The following ECM2 variants were observed in gnomAD, a reference collection of about 807,000 sequenced individuals.
ECM2 encodes the protein extracellular matrix protein 2.
A neutral mutation model predicts 67.5 loss-of-function variants in ECM2; 57 were observed. The observed-to-expected ratio is 0.84, with a 90% CI of 0.68 to 1.05. The LOEUF (loss-of-function observed/expected upper bound fraction) is 1.05. Among genes scored for constraint, ECM2 ranks in the 50% least tolerant of loss-of-function variants. The pLI, the probability that ECM2 is intolerant of heterozygous loss-of-function variation, is 0.00. For synonymous variants in ECM2, 258 were observed against 294.5 expected, an observed-to-expected ratio of 0.88 and a Z score of 1.27; for missense variants, 741 against 822.8, an observed-to-expected ratio of 0.90 and a Z score of 1.22.
intron 1 of ECM2, among the ~76,000 whole-genome samples, chr9:92,533,981 G>A (rs1849016595): frequency 6.6e-6 from 1 of 152,044 alleles, no homozygotes; most frequent in African/African-American, 2.4e-5. Flanking sequence ...TAAAAGAATG[G>A]AATGTACCTT....
intron 1 of ECM2, among the ~76,000 whole-genome samples, chr9:92,531,359 C>A (rs10118939): frequency 6.6e-6 from 1 of 151,904 alleles, no homozygotes; most frequent in South Asian, 2.1e-4. Flanking sequence ...CTGGACAATA[C>A]AAGAACCAGG....
At position 92,500,877 on chromosome 9, in the gene ECM2, G is replaced by A; in HGVS notation, c.1781C>T (p.Ala594Val). ...GGAGACACGGTCCATGCCATCATCA[G>A]CAAGTTTGTTAAATGACAGGTACAA... is the stretch of plus-strand genomic sequence containing the variant. Reference protein sequence around the residue: ...EYLYLSFNKLADDGMDRVSFY... With the variant: ...EYLYLSFNKLVDDGMDRVSFY... Residue 594 changes from alanine (A) to valine (V), a missense_variant, in exon 9 of 10, where the codon GCT (alanine) becomes GTT (valine). By Grantham distance (64) the Ala-to-Val change is moderately conservative. Transcript: ENST00000344604. The A allele has an allele frequency of 6.2e-7, 1 of 1,614,186 alleles. No individual in the cohort carries two copies.
chr9:92,504,185 C>A (rs566723288), intron 7 of ECM2, among the ~76,000 whole-genome samples: 4,950 of 152,288 alleles, frequency 0.033, 124 homozygotes, highest in South Asian at 0.083. Context: ...CACAAAGAAT[C>A]TGACTTAGCA....
At chr9:92,500,357 A>G (rs1846595957) in intron 9 of ECM2, among the ~76,000 whole-genome samples, 1 of 152,096 alleles carries the variant, frequency 6.6e-6, no homozygotes, top group Non-Finnish European at 1.5e-5. Context: ...TAAGTTTTGT[A>G]TTTTTAGTAG....
chr9:92,544,066 T>C, the ECM2 span, among the ~76,000 whole-genome samples: 1 of 152,232 alleles, frequency 6.6e-6, no homozygotes, highest in Non-Finnish European at 1.5e-5. Context: ...ACTACCAGTT[T>C]TATGTTGAAT....
chr9:92,497,856 C>T (rs1846440811), intron 9 of ECM2, among the ~76,000 whole-genome samples: 1 of 142,890 alleles, frequency 7.0e-6, no homozygotes, highest in Non-Finnish European at 1.5e-5. Flanking sequence ...CTATTAATTC[C>T]CATAAGAGCT....
At chr9:92,516,065 T>C (rs1281475482) in intron 3 of ECM2, among the ~76,000 whole-genome samples, 4 of 143,408 alleles carry the variant, frequency 2.8e-5, no homozygotes, top group Non-Finnish European at 4.7e-5. Context: ...CAGTGCATAC[T>C]TTTTTTTCCC....
At chr9:92,517,633 T>G in intron 3 of ECM2, 54 bp downstream of exon 3, 1 of 1,603,012 alleles carries the variant, frequency 6.2e-7, no homozygotes. Flanking sequence ...CAAAAACAAA[T>G]GGAAGTTAAA....
chr9:92,524,126 T>G (rs892158042), intron 1 of ECM2, among the ~76,000 whole-genome samples: 2 of 152,222 alleles, frequency 1.3e-5, no homozygotes, highest in African/African-American at 4.8e-5. Context: ...GTGACTGATG[T>G]AATCCACAAC....
In ECM2 at chr9:92,505,542, AC is replaced by A; in HGVS notation, c.1454del (p.Gly485ValfsTer8). The A allele has an allele frequency of 6.3e-7, 1 of 1,597,046 alleles. No homozygotes were observed. The highest frequency in any genetic ancestry group is 8.5e-7 in the Non-Finnish European group (1 of 1,175,718). On this transcript the variant is annotated frameshift_variant, in exon 7 of 10. Coordinates refer to ENST00000344604, the MANE Select transcript of ECM2 (RefSeq NM_001393.4). LOFTEE classifies it high-confidence loss of function. ...AAAAATATATTGTTACCTCAATAGA[AC>A]CAGGAAGACCCTGCGGTATAATTCT... ...KFRIIPQGLP[G>X]SIEELYLENN...
At chr9:92,497,874 T>TAAA (rs71362393) in intron 9 of ECM2, among the ~76,000 whole-genome samples, 1 of 134,882 alleles carries the variant, frequency 7.4e-6, no homozygotes, top group Non-Finnish European at 1.6e-5. Flanking sequence ...GCTGGTTGTT[T>TAAA]AAAAAAAAAA....
At chr9:92,506,627 A>G (rs1847024215) in intron 6 of ECM2, among the ~76,000 whole-genome samples, 1 of 152,248 alleles carries the variant, frequency 6.6e-6, no homozygotes, top group East Asian at 1.9e-4. Context: ...AGACGGTTGC[A>G]TCAGGAATAG....
At chr9:92,548,416 T>C in the ECM2 span, among the ~76,000 whole-genome samples, 1 of 152,214 alleles carries the variant, frequency 6.6e-6, no homozygotes, top group South Asian at 2.1e-4. Flanking sequence ...GAGTCCCAAT[T>C]AGGGGGTTGT....
chr9:92,532,029 A>ATTTTTTTTTTTTTTTTTTT (rs201461115), intron 1 of ECM2, among the ~76,000 whole-genome samples: 9 of 91,028 alleles, frequency 9.9e-5, no homozygotes, highest in African/African-American at 2.0e-4. Context: ...TTTTTTTTTT[A>ATTTTTTTTTTTTTTTTTTT]TTTTATTTTT....
At chr9:92,557,810 T>C in the ECM2 span, among the ~76,000 whole-genome samples, 4 of 151,966 alleles carry the variant, frequency 2.6e-5, no homozygotes, top group Non-Finnish European at 4.4e-5. Context: ...GCCCGACTAA[T>C]TTTTGTATTT....
chr9:92,522,277 G>A (rs1848118928), intron 2 of ECM2, among the ~76,000 whole-genome samples: 1 of 151,886 alleles, frequency 6.6e-6, no homozygotes, highest in Non-Finnish European at 1.5e-5. Flanking sequence ...TAGTAGAGAC[G>A]GGGTTTCAAC....
At chr9:92,532,010 T>G (rs774346968) in intron 1 of ECM2, among the ~76,000 whole-genome samples, 11 of 141,498 alleles carry the variant, frequency 7.8e-5, no homozygotes, top group Non-Finnish European at 1.7e-4. Context: ...CTTTTTTTAT[T>G]TAATGTTTTT....
At chr9:92,541,832 C>T in the ECM2 span, among the ~76,000 whole-genome samples, 2 of 152,008 alleles carry the variant, frequency 1.3e-5, no homozygotes, top group African/African-American at 4.8e-5. Flanking sequence ...CTTGCTCTGT[C>T]ACCCAGGCTA....
rs562422373 is a variant in ECM2, at chr9:92,514,603, A to C, written c.1054+28T>G. 26 of 1,538,478 alleles carry C rather than the reference A, an allele frequency of 1.7e-5. 1 individual carries two copies. In the Admixed American group the frequency reaches 5.2e-4, roughly 31 times the overall value. ...AAGAGTCATTTACTTTTAAAGCACAAAATAAAGCAGAAGTCAACATCTCTT... is the reference window on the plus strand; with the variant it reads ...AAGAGTCATTTACTTTTAAAGCACACAATAAAGCAGAAGTCAACATCTCTT... On this transcript the variant is annotated intron_variant, in intron 4 of 9. Coordinates refer to ENST00000344604, the MANE Select transcript of ECM2 (RefSeq NM_001393.4).
Sources: allele counts gnomAD v4.1 joint callset (sites outside exome capture counted in the v4.1 genomes callset), GRCh38; gene constraint gnomAD v4.1.1; transcripts MANE v1.5; gene names NCBI Gene and HGNC (gene_info 2026-07-23, HGNC 2026-07-21).